ARHGEF37: variants seen among roughly 807,000 people sequenced by gnomAD.
ARHGEF37 encodes the protein Rho guanine nucleotide exchange factor 37.
Under a neutral mutation model 71.1 loss-of-function variants are expected in ARHGEF37, and 55 were observed. The ratio of observed to expected loss-of-function variants is 0.77; its 90% confidence interval spans 0.62 to 0.97. The LOEUF (loss-of-function observed/expected upper bound fraction) is 0.97, where lower values mean the gene tolerates loss of function less well. Among genes scored for constraint, ARHGEF37 ranks in the 50% least tolerant of loss-of-function variants. The pLI is 0.00. For synonymous variants in ARHGEF37, 327 were observed against 350.6 expected (o/e 0.93, Z 0.75); for missense variants, 765 against 836.8 (o/e 0.91, Z 1.06).
intron 1 of ARHGEF37, among the ~76,000 whole-genome samples, chr5:149,586,725 C>G (rs1197153409): frequency 6.6e-6 from 1 of 152,140 alleles, no homozygotes; most frequent in Non-Finnish European, 1.5e-5. Flanking sequence ...AAACAGAGCC[C>G]AGAGGTGGAC....
upstream of ARHGEF37, among the ~76,000 whole-genome samples, chr5:149,577,101 C>G (rs772618583): frequency 7.9e-5 from 12 of 152,268 alleles, no homozygotes; most frequent in Non-Finnish European, 5.9e-5. Context: ...TAGTAGTAGA[C>G]TTGGCTTCAA....
chr5:149,600,973 C>T (rs1350893297), intron 2 of ARHGEF37, 135 bp from the exon 3 acceptor site: 1 of 1,086,118 alleles, frequency 9.2e-7, no homozygotes, highest in Non-Finnish European at 1.3e-6. Flanking sequence ...AAAATCCTTG[C>T]AAAATTCCAC....
intron 1 of ARHGEF37, among the ~76,000 whole-genome samples, chr5:149,556,921 G>A (rs1238926602): frequency 6.6e-6 from 1 of 152,212 alleles, no homozygotes; most frequent in East Asian, 1.9e-4. Context: ...GTGCAGTTGG[G>A]TCAGAGTGAT....
At chr5:149,621,449 CA>C (rs1561807205) in intron 8 of ARHGEF37, among the ~76,000 whole-genome samples, 2 of 151,126 alleles carry the variant, frequency 1.3e-5, no homozygotes, top group South Asian at 2.1e-4. Context: ...AAAAAAAAAA[CA>C]AAAAACTTTT....
At chr5:149,615,214 G>T (rs1380811539) in intron 4 of ARHGEF37, among the ~76,000 whole-genome samples, 1 of 151,702 alleles carries the variant, frequency 6.6e-6, no homozygotes, top group Non-Finnish European at 1.5e-5. Context: ...GAGTACAGTG[G>T]CATGATCATA....
chr5:149,609,075 C>T (rs1763997236), intron 3 of ARHGEF37, among the ~76,000 whole-genome samples: 1 of 152,078 alleles, frequency 6.6e-6, no homozygotes, highest in Non-Finnish European at 1.5e-5. Flanking sequence ...ATCCCAGCTA[C>T]TCAGGAGGCT....
At chr5:149,596,839 T>C (rs1173197676) in intron 1 of ARHGEF37, among the ~76,000 whole-genome samples, 1 of 151,952 alleles carries the variant, frequency 6.6e-6, no homozygotes, top group East Asian at 1.9e-4. Flanking sequence ...GAAGAGGAAA[T>C]GAAGTTAGAG....
At chr5:149,629,773 CA>C in intron 12 of ARHGEF37, among the ~76,000 whole-genome samples, 1 of 152,046 alleles carries the variant, frequency 6.6e-6, no homozygotes, top group Non-Finnish European at 1.5e-5. Context: ...TCATTGCAGC[CA>C]AAAAGTAGAA....
rs1430305120 is a variant in ARHGEF37, at chr5:149,599,303, C to T, written c.186+1348C>T. The stretch of plus-strand genomic sequence containing the variant: ...CAGGTGTCATGGACACAGAGGCCTG[C>T]TCAGCCACAGGAGAGGGGCTGGGCT... On this transcript the variant is annotated intron_variant, in intron 2 of 12. Coordinates refer to ENST00000333677, the MANE Select transcript of ARHGEF37 (RefSeq NM_001001669.3). Among the ~76,000 whole-genome samples the T allele has an allele frequency of 5.3e-5, 8 of 152,170 alleles. 1 individual carries two copies. The highest frequency in any genetic ancestry group is 5.2e-4 in the Admixed American group (8 of 15,274).
intron 12 of ARHGEF37, among the ~76,000 whole-genome samples, chr5:149,631,766 T>G (rs973137559): frequency 6.6e-6 from 1 of 152,208 alleles, no homozygotes; most frequent in African/African-American, 2.4e-5. Context: ...CCAAACCCAG[T>G]AGAGTGCTAG....
intron 11 of ARHGEF37, among the ~76,000 whole-genome samples, chr5:149,627,656 G>C (rs1752732913): frequency 6.6e-6 from 1 of 152,172 alleles, no homozygotes; most frequent in African/African-American, 2.4e-5. Flanking sequence ...CTGGACCCTG[G>C]CTACACCGCC....
At chr5:149,605,777 T>C (rs2113332157) in intron 3 of ARHGEF37, among the ~76,000 whole-genome samples, 1 of 152,342 alleles carries the variant, frequency 6.6e-6, no homozygotes, top group South Asian at 2.1e-4. Flanking sequence ...AAAACGTCTC[T>C]GAGGCTCAGA....
intron 1 of ARHGEF37, among the ~76,000 whole-genome samples, chr5:149,575,331 C>T (rs1224811378): frequency 6.6e-6 from 1 of 152,216 alleles, no homozygotes; most frequent in Non-Finnish European, 1.5e-5. Flanking sequence ...TATAGAATTG[C>T]CAACTCCCTG....
At chr5:149,580,723 A>G (rs1323493496), upstream of ARHGEF37, among the ~76,000 whole-genome samples, 1 of 152,220 alleles carries the variant, frequency 6.6e-6, no homozygotes, top group Non-Finnish European at 1.5e-5. Context: ...TACCAGCAGT[A>G]ATAATAAATA....
upstream of ARHGEF37, among the ~76,000 whole-genome samples, chr5:149,579,870 C>A (rs564611304): frequency 6.6e-6 from 1 of 152,198 alleles, no homozygotes; most frequent in Admixed American, 6.5e-5. Flanking sequence ...CAGGCGTGAA[C>A]CACCGTGCCC....
intron 4 of ARHGEF37, among the ~76,000 whole-genome samples, chr5:149,611,587 C>T (rs1181405056): frequency 1.3e-5 from 2 of 152,268 alleles, no homozygotes; most frequent in Non-Finnish European, 2.9e-5. Context: ...GTGGATGTGG[C>T]TTGGCCCCTG....
At chr5:149,554,601 T>C (rs1332090881) in intron 1 of ARHGEF37, among the ~76,000 whole-genome samples, 2 of 152,068 alleles carry the variant, frequency 1.3e-5, no homozygotes, top group Admixed American at 6.6e-5. Flanking sequence ...AATGTGATTT[T>C]AGTTTCTTAA....
chr5:149,634,390 G>A lies in ARHGEF37; in HGVS notation c.*2199G>A, dbSNP rs926501631. 1.3e-5 allele frequency: 2 copies of A among 152,368 alleles called. No homozygotes were observed. The highest frequency in any genetic ancestry group is 2.4e-5 in the African/African-American group (1 of 41,462). 9.4% of individuals were successfully genotyped at this position (152,368 alleles called of 1,614,324 possible). A position where few individuals can be genotyped will look rare whatever the true frequency, so the allele number is the denominator to read the frequency against. On this transcript the variant is annotated 3_prime_UTR_variant, in exon 13 of 13. Transcript: ENST00000333677. ...AGCCTGTTCTGCCAGGTCTCAGAAT[G>A]TATATTTATTAAGTGCCATTAAAAG...
intron 12 of ARHGEF37, among the ~76,000 whole-genome samples, chr5:149,630,010 G>A (rs77154863): frequency 0.011 from 1,681 of 147,964 alleles, 32 homozygotes; most frequent in African/African-American, 0.04. Context: ...GAAGGTGGAT[G>A]AATGGCAGGG....
Sources: allele counts gnomAD v4.1 joint callset (sites outside exome capture counted in the v4.1 genomes callset), GRCh38; gene constraint gnomAD v4.1.1; transcripts MANE v1.5; gene names NCBI Gene and HGNC (gene_info 2026-07-23, HGNC 2026-07-21).